The following LYST variants were observed in gnomAD, a reference collection of about 807,000 sequenced individuals.
LYST encodes the protein lysosomal trafficking regulator.
LYST carries 192 observed loss-of-function variants against 413.6 expected under a neutral mutation model. The observed-to-expected ratio is 0.46, with a 90% confidence interval of 0.41 to 0.52. LYST has a LOEUF of 0.52. Among genes scored for constraint, LYST ranks in the 20% least tolerant of loss-of-function variants. LYST has a pLI of 0.00. For synonymous variants in LYST, 1,525 were observed against 1,567.3 expected (o/e 0.97, Z 0.64); for missense variants, 3,815 against 4,499.9 (o/e 0.85, Z 4.35).
In LYST at chr1:235,734,599, T is replaced by A; in HGVS notation, c.8419A>T (p.Thr2807Ser). The part of the protein sequence containing the change: ...ELIHNHQGEL[T>S]EEELGTAELL... ...TCTGCTGTGCCTAGCTCTTCTTCAG[T>A]CAATTCACCTTGGTGATTATGTATC... The change falls in exon 32 of 53, where the codon ACT (threonine) becomes TCT (serine). Residue 2807 changes from threonine to serine, a missense_variant. Physicochemically the swap from Thr to Ser is moderately conservative, Grantham distance 58. Around this residue, in one of 4 missense-constraint regions of LYST, gnomAD observed 771 missense variants for 837.1 expected, o/e 0.92. Coordinates refer to ENST00000389793, the MANE Select transcript of LYST (RefSeq NM_000081.4). The A allele has an allele frequency of 1.2e-6, 2 of 1,613,286 alleles. No homozygotes were observed. Among genetic ancestry groups the A allele is most frequent in the East Asian group, 4.5e-5 (2 of 44,840 alleles).
At position 235,812,979 on chromosome 1, in the gene LYST, T is replaced by A. The variant is rs757411778; in HGVS notation, c.275A>T (p.Lys92Met). 1 of 1,607,070 alleles carries A rather than the reference T, an allele frequency of 6.2e-7. No individual in the cohort carries two copies. The highest frequency in any genetic ancestry group is 1.1e-5 in the South Asian group (1 of 90,886). ...AAAGGGAAAAAGCATACCTGTTGCC[T>A]TTTCTTCTTGGACAGGTATCTTCCA... ...LVWKIPVQEEKATDFNLPLSA... is the reference protein window; with the variant it reads ...LVWKIPVQEEMATDFNLPLSA... The change falls in exon 4 of 53, where the codon AAG becomes ATG. Residue 92 changes from lysine (K) to methionine (M), a missense_variant. By Grantham distance (95) the Lys-to-Met change is moderately conservative. This residue lies in a region of LYST where 1,648 missense variants were observed against 1,810.3 expected (regional missense o/e 0.91). Transcript: ENST00000389793.
At chr1:235,822,437 AT>A (rs1234461902) in intron 3 of LYST, among the ~76,000 whole-genome samples, 1 of 152,186 alleles carries the variant, frequency 6.6e-6, no homozygotes, top group Non-Finnish European at 1.5e-5. Flanking sequence ...TCATTATTGT[AT>A]ATAGGGCATA....
chr1:235,858,640 C>T (rs1260564215), intron 1 of LYST, among the ~76,000 whole-genome samples: 1 of 152,150 alleles, frequency 6.6e-6, no homozygotes, highest in Non-Finnish European at 1.5e-5. Context: ...GGCTTTGTTC[C>T]TTAATAAGCA....
chr1:235,724,316 C>A, intron 38 of LYST, 136 bp from the exon 39 acceptor site: 1 of 702,926 alleles, frequency 1.4e-6, no homozygotes, highest in Non-Finnish European at 2.4e-6. Flanking sequence ...TACCTGAAAA[C>A]TCTCCCAATG....
In LYST at chr1:235,757,476, A is replaced by G; in HGVS notation, c.6882-18T>C. 6.2e-7 allele frequency: 1 copy of G among 1,605,658 alleles called. No homozygotes were observed. Among genetic ancestry groups the G allele is most frequent in the Middle Eastern group, 1.7e-4 (1 of 6,034 alleles). On this transcript the variant is annotated intron_variant, in intron 23 of 52. Transcript: ENST00000389793. ...CAGTTACACTAAAACAGAGACCAAA[A>G]AAGTCTTACTAACATGACAAGAAAA...
intron 47 of LYST, among the ~76,000 whole-genome samples, chr1:235,692,630 C>T (rs980455994): frequency 2.1e-4 from 32 of 152,036 alleles, no homozygotes; most frequent in South Asian, 6.2e-4. Flanking sequence ...GCGATCTGCC[C>T]GCCTCAGCCT....
In LYST at chr1:235,751,307, C is replaced by T. The variant is rs1666473309; in HGVS notation, c.7683G>A (p.Arg2561=). Residue 2561 remains arginine (R), a synonymous_variant, in exon 28 of 53, where the codon AGG becomes AGA. Coordinates refer to ENST00000389793, the MANE Select transcript of LYST (RefSeq NM_000081.4). The part of the protein sequence containing the change: ...RVLQAAMEFI[R]TTANHDSENL... ...TTTCAGAGTCATGATTTGCGGTGGT[C>T]CTTATAAATTCCATAGCAGCCTGGA... The T allele has an allele frequency of 2.5e-6, 4 of 1,613,506 alleles. No individual in the cohort carries two copies. The highest frequency in any genetic ancestry group is 3.4e-6 in the Non-Finnish European group (4 of 1,179,564).
At chr1:235,680,660 G>A (rs368605567) in intron 48 of LYST, among the ~76,000 whole-genome samples, 97 of 151,474 alleles carry the variant, frequency 6.4e-4, no homozygotes, top group African/African-American at 1.6e-3. Context: ...GTGCAATGGC[G>A]CAACCTTGGC....
At chr1:235,748,035 TGAATAAAC>T (rs1666093104) in intron 28 of LYST, among the ~76,000 whole-genome samples, 1 of 152,172 alleles carries the variant, frequency 6.6e-6, no homozygotes, top group Admixed American at 6.5e-5. Flanking sequence ...GTTTGAGGGC[TGAATAAAC>T]GGATAAAGAA....
chr1:235,810,632 G>C, intron 4 of LYST, 98 bp from the exon 5 acceptor site: 6 of 1,086,578 alleles, frequency 5.5e-6, no homozygotes, highest in Non-Finnish European at 8.2e-6. Context: ...CCCACTAAAG[G>C]AGTTTATCCT....
chr1:235,875,927 T>A (rs1042316348), intron 1 of LYST, among the ~76,000 whole-genome samples: 2 of 152,180 alleles, frequency 1.3e-5, no homozygotes, highest in African/African-American at 4.8e-5. Flanking sequence ...AATTAAAATA[T>A]GCTTTTTCTT....
chr1:235,737,918 T>TGAAG, intron 31 of LYST: 8 of 1,164,684 alleles, frequency 6.9e-6, no homozygotes, highest in Admixed American at 4.4e-5. Context: ...TGCCGACGAG[T>TGAAG]CTGGATCTCA....
At chr1:235,724,340 A>T (rs1420606051) in intron 38 of LYST, among the ~76,000 whole-genome samples, 160 bp from the exon 39 acceptor site, 1 of 152,200 alleles carries the variant, frequency 6.6e-6, no homozygotes, top group Non-Finnish European at 1.5e-5. Flanking sequence ...AACACCTCAA[A>T]ATGAATGATA....
At position 235,762,843 on chromosome 1, in the gene LYST, T is replaced by C; in HGVS notation, c.6130A>G (p.Ile2044Val). ...ATTGACCGCACTTTCTCCTGAAAGA[T>C]CTTGCCATCTAGAATCCAAATTTTT... ...FYFSLHIDGK[I>V]FQEKVRSIMY... Residue 2044 changes from isoleucine (I) to valine (V), a missense_variant, in exon 22 of 53, where the codon ATC (isoleucine) becomes GTC (valine). Physicochemically the swap from Ile to Val is conservative, Grantham distance 29. Coordinates refer to ENST00000389793, the MANE Select transcript of LYST (RefSeq NM_000081.4). 6.2e-7 allele frequency: 1 copy of C among 1,613,396 alleles called. No individual in the cohort carries two copies. The highest frequency in any genetic ancestry group is 8.5e-7 in the Non-Finnish European group (1 of 1,179,568).
At chr1:235,772,103 T>C (rs1211928309) in intron 19 of LYST, among the ~76,000 whole-genome samples, 1 of 151,934 alleles carries the variant, frequency 6.6e-6, no homozygotes, top group Admixed American at 6.6e-5. Flanking sequence ...TGCACACATG[T>C]AGTCCTAGCT....
Position 235,777,233 on chromosome 1 carries a change from C to T in LYST, c.5290G>A (p.Gly1764Ser), listed in dbSNP as rs749778166. Residue 1764 changes from glycine (G) to serine (S), a missense_variant, in exon 17 of 53, where the codon GGT (glycine) becomes AGT (serine). By Grantham distance (56) the Gly-to-Ser change is moderately conservative. Around this residue, in one of 4 missense-constraint regions of LYST, gnomAD observed 530 missense variants for 696.5 expected, o/e 0.76. Coordinates refer to ENST00000389793, the MANE Select transcript of LYST (RefSeq NM_000081.4). ...TIYEPVIRLK[G>S]QMKTQLSQRP... ...TGAGAGAGTTGGGTTTTCATTTGAC[C>T]TTTAAGTCTAATCACTGGTTCATAG... The T allele has an allele frequency of 1.2e-5, 20 of 1,613,294 alleles. No homozygotes were observed. Among genetic ancestry groups the T allele is most frequent in the East Asian group, 1.1e-4 (5 of 44,792 alleles).
intron 1 of LYST, among the ~76,000 whole-genome samples, chr1:235,882,971 A>C (rs144312080): frequency 2.0e-5 from 3 of 152,148 alleles, no homozygotes; most frequent in African/African-American, 7.2e-5. Flanking sequence ...TCCCTCCTCA[A>C]ATACTCTTCC....
chr1:235,766,975 C>T (rs1220377174), intron 20 of LYST, among the ~76,000 whole-genome samples: 3 of 151,908 alleles, frequency 2.0e-5, no homozygotes, highest in Admixed American at 2.0e-4. Flanking sequence ...ATATGAGGCA[C>T]AAAGAGGTTA....
At chr1:235,732,758 T>C (rs1288578743) in intron 34 of LYST, among the ~76,000 whole-genome samples, 3 of 152,240 alleles carry the variant, frequency 2.0e-5, no homozygotes, top group Non-Finnish European at 4.4e-5. Context: ...ATGTGAGGAA[T>C]GTGTTCATGC....
Sources: allele counts gnomAD v4.1 joint callset (sites outside exome capture counted in the v4.1 genomes callset), GRCh38; gene constraint gnomAD v4.1.1; regional missense constraint gnomAD v4.1.1; transcripts MANE v1.5; gene names NCBI Gene and HGNC (gene_info 2026-07-23, HGNC 2026-07-21).